The following ANTXR2 variants were observed in gnomAD, a reference collection of about 807,000 sequenced individuals.
The protein encoded by ANTXR2 is anthrax toxin receptor 2.
A neutral mutation model predicts 73.7 loss-of-function variants in ANTXR2; 44 were observed. The ratio of observed to expected loss-of-function variants is 0.60; its 90% CI spans 0.47 to 0.77. The LOEUF (loss-of-function observed/expected upper bound fraction) is 0.77, where lower values mean the gene tolerates loss of function less well. ANTXR2 is among the 30% of genes least tolerant of loss of function. The probability of loss-of-function intolerance (pLI) is 0.00; values close to 1 mark genes in which losing one functional copy is unlikely to be tolerated. For synonymous variants in ANTXR2, 217 were observed against 205.9 expected (o/e 1.05, Z -0.46); for missense variants, 604 against 592.5 (o/e 1.02, Z -0.20).
intron 7 of ANTXR2, among the ~76,000 whole-genome samples, chr4:80,044,366 A>G (rs538273674): frequency 6.6e-6 from 1 of 152,122 alleles, no homozygotes; most frequent in South Asian, 2.1e-4. Flanking sequence ...CGTAGGACAC[A>G]TAAGAGGTAA....
At chr4:80,053,056 G>C (rs1217874468) in intron 7 of ANTXR2, among the ~76,000 whole-genome samples, 3 of 151,326 alleles carry the variant, frequency 2.0e-5, no homozygotes, top group African/African-American at 7.3e-5. Flanking sequence ...ACAAATCCCA[G>C]AGCAAAATAA....
At chr4:80,036,168 C>A in intron 7 of ANTXR2, 136 bp from the exon 8 acceptor site, 1 of 696,028 alleles carries the variant, frequency 1.4e-6, no homozygotes, top group East Asian at 3.1e-5. Context: ...TTAACTATAG[C>A]GTGTACAGCT....
At chr4:80,022,622 T>A (rs1350515762) in intron 10 of ANTXR2, among the ~76,000 whole-genome samples, 1 of 152,226 alleles carries the variant, frequency 6.6e-6, no homozygotes, top group Admixed American at 6.5e-5. Flanking sequence ...TTATTCCTAC[T>A]CCTACATAAC....
chr4:80,047,586 A>G (rs1271923063), intron 7 of ANTXR2, among the ~76,000 whole-genome samples: 1 of 151,636 alleles, frequency 6.6e-6, no homozygotes, highest in African/African-American at 2.4e-5. Flanking sequence ...CCCCAACAGA[A>G]TTGGTACAGG....
intron 14 of ANTXR2, among the ~76,000 whole-genome samples, chr4:79,980,481 T>C (rs760494044): frequency 5.9e-5 from 9 of 152,184 alleles, no homozygotes; most frequent in Non-Finnish European, 1.2e-4. Flanking sequence ...CAGGCTTTAT[T>C]ATGGAAAAAA....
chr4:80,002,712 A>G (rs1422104606), intron 12 of ANTXR2, among the ~76,000 whole-genome samples: 3 of 152,146 alleles, frequency 2.0e-5, no homozygotes, highest in Non-Finnish European at 4.4e-5. Flanking sequence ...AAAAATTTAC[A>G]AGAAAAAAAC....
At chr4:79,983,816 T>A in intron 14 of ANTXR2, 62 bp downstream of exon 14, 1 of 1,286,134 alleles carries the variant, frequency 7.8e-7, no homozygotes, top group Non-Finnish European at 1.1e-6. Flanking sequence ...TTTCTATGGC[T>A]TAATAGCCCT....
At position 80,008,625 on chromosome 4, in the gene ANTXR2, G is replaced by A; in HGVS notation, c.946-9C>T. The A allele has an allele frequency of 3.8e-6, 6 of 1,571,562 alleles. No individual in the cohort carries two copies. The highest frequency in any genetic ancestry group is 1.2e-5 in the South Asian group (1 of 82,296). ...GCTGCGATCCCGTTAGACTAAAGTA[G>A]GCAAAAAGCAAAAACAAAGCAGTCA... On this transcript the variant is annotated splice_polypyrimidine_tract_variant and intron_variant, in intron 11 of 16. Coordinates refer to ENST00000403729, the MANE Select transcript of ANTXR2 (RefSeq NM_058172.6).
intron 16 of ANTXR2, among the ~76,000 whole-genome samples, chr4:79,953,800 C>T (rs148571355): frequency 1.5e-3 from 229 of 151,886 alleles, no homozygotes; most frequent in African/African-American, 5.0e-3. Flanking sequence ...AATTTTCTGA[C>T]GCCAATATTT....
intron 3 of ANTXR2, among the ~76,000 whole-genome samples, chr4:80,061,634 G>A (rs1007702577): frequency 7.2e-5 from 11 of 152,014 alleles, no homozygotes; most frequent in African/African-American, 1.9e-4. Flanking sequence ...TTCTCAAGAT[G>A]TTATTTATGA....
chr4:80,070,522 G>A (rs1204040338), intron 2 of ANTXR2, among the ~76,000 whole-genome samples: 1 of 152,178 alleles, frequency 6.6e-6, no homozygotes, highest in Non-Finnish European at 1.5e-5. Flanking sequence ...ATAGGATCTT[G>A]TTTGTTTTTC....
At chr4:79,966,527 C>T (rs969238413) in intron 16 of ANTXR2, among the ~76,000 whole-genome samples, 80 of 152,218 alleles carry the variant, frequency 5.3e-4, no homozygotes, top group Middle Eastern at 3.4e-3. Context: ...ACTCTTCCTG[C>T]CTCTGCGTCA....
intron 16 of ANTXR2, among the ~76,000 whole-genome samples, chr4:79,912,846 A>G (rs1341851285): frequency 6.6e-6 from 1 of 152,136 alleles, no homozygotes; most frequent in Non-Finnish European, 1.5e-5. Flanking sequence ...AAAATAAGGA[A>G]ACTTTCTAAA....
At chr4:79,917,367 G>A (rs1249404917) in intron 16 of ANTXR2, among the ~76,000 whole-genome samples, 1 of 152,144 alleles carries the variant, frequency 6.6e-6, no homozygotes, top group Non-Finnish European at 1.5e-5. Context: ...CCACAAGGTG[G>A]CAGCCTGCTG....
At chr4:80,072,385 C>G in intron 1 of ANTXR2, 24 bp downstream of exon 1, 2 of 1,573,796 alleles carry the variant, frequency 1.3e-6, no homozygotes, top group South Asian at 1.2e-5. Context: ...ACCAGGAGAC[C>G]CTGGACCTCC....
At chr4:79,950,347 C>T (rs1728660661) in intron 16 of ANTXR2, among the ~76,000 whole-genome samples, 2 of 151,972 alleles carry the variant, frequency 1.3e-5, no homozygotes, top group Admixed American at 6.6e-5. Flanking sequence ...TTACCCTTGT[C>T]GATTTACAAA....
intron 10 of ANTXR2, among the ~76,000 whole-genome samples, chr4:80,023,904 C>T (rs1240613896): frequency 3.9e-5 from 6 of 152,158 alleles, no homozygotes; most frequent in African/African-American, 1.2e-4. Flanking sequence ...TGGAATTCGT[C>T]TTAAGAGTTT....
rs756219322 is a variant in ANTXR2 at position 79,949,082 on chromosome 4, C to T, written c.1428+28539G>A. Among the ~76,000 whole-genome samples the T allele has an allele frequency of 1.8e-4, 27 of 151,944 alleles. 1 individual carries two copies. The highest frequency in any genetic ancestry group is 8.3e-4 in the South Asian group (4 of 4,822). ...TAAATGTCTGGCTATTATTATAAAA[C>T]TAAGAAGAAAAATCCTTTTAATATG... On this transcript the variant is annotated intron_variant, in intron 16 of 16. Transcript: ENST00000403729.
chr4:80,024,203 T>C (rs747403302), intron 10 of ANTXR2, among the ~76,000 whole-genome samples: 2 of 152,150 alleles, frequency 1.3e-5, no homozygotes, highest in African/African-American at 2.4e-5. Context: ...GTTTCTGTCT[T>C]ACACAAGTAG....
Sources: allele counts gnomAD v4.1 joint callset (sites outside exome capture counted in the v4.1 genomes callset), GRCh38; gene constraint gnomAD v4.1.1; transcripts MANE v1.5; gene names NCBI Gene and HGNC (gene_info 2026-07-23, HGNC 2026-07-21).